The following TENM4 variants were observed in gnomAD, a reference collection of about 807,000 sequenced individuals.
The protein encoded by TENM4 is teneurin-4.
Under a neutral mutation model 243.3 loss-of-function variants are expected in TENM4, and 82 were observed. The observed-to-expected ratio is 0.34, with a 90% CI of 0.28 to 0.40. TENM4 has a LOEUF of 0.40. Among genes scored for constraint, TENM4 ranks in the 10% least tolerant of loss-of-function variants. TENM4 has a pLI of 1.00. For synonymous variants in TENM4, 1,412 were observed against 1,456.3 expected (o/e 0.97, Z 0.69); for missense variants, 3,138 against 3,673.3 (o/e 0.85, Z 3.77).
intron 6 of TENM4, among the ~76,000 whole-genome samples, chr11:78,943,546 C>T (rs886489010): frequency 6.6e-6 from 1 of 152,194 alleles, no homozygotes; most frequent in Non-Finnish European, 1.5e-5. Flanking sequence ...TCAACAAATA[C>T]ACATACATCA....
At chr11:78,791,417 C>G (rs1215548636) in intron 15 of TENM4, among the ~76,000 whole-genome samples, 5 of 152,082 alleles carry the variant, frequency 3.3e-5, no homozygotes, top group Non-Finnish European at 5.9e-5. Flanking sequence ...TGTAAGTGGT[C>G]CTTTGTGAAA....
At chr11:79,035,149 A>C (rs1281459301) in intron 6 of TENM4, among the ~76,000 whole-genome samples, 2 of 152,108 alleles carry the variant, frequency 1.3e-5, no homozygotes, top group African/African-American at 4.8e-5. Context: ...TCACAAGATG[A>C]GGTCTGAATC....
chr11:78,841,521 C>T (rs1251554150), intron 12 of TENM4, among the ~76,000 whole-genome samples: 1 of 152,096 alleles, frequency 6.6e-6, no homozygotes, highest in Non-Finnish European at 1.5e-5. Context: ...ATCTCATCTT[C>T]CTTGCCCTCT....
In TENM4 at chr11:78,854,253, T is replaced by A. The variant is rs1461832204; in HGVS notation, c.1532A>T (p.Glu511Val). 2.6e-6 allele frequency: 4 copies of A among 1,547,336 alleles called. No individual in the cohort carries two copies. The South Asian group carries it at 3.6e-5, about 14-fold the overall frequency. Reference sequence around the variant, plus strand: ...TCCCCGAGACTGGCGCGGGGTCCCCTCTAGGCTCCGCGCCTCCTGGGTTAG... The same window carrying A: ...TCCCCGAGACTGGCGCGGGGTCCCCACTAGGCTCCGCGCCTCCTGGGTTAG... ...RLLTQEARSL[E>V]GTPRQSRGTV... The change falls in exon 12 of 34, where the codon GAG (glutamate) becomes GTG (valine). Residue 511 changes from glutamate to valine, a missense_variant. By Grantham distance (121) the Glu-to-Val change is moderately radical. Coordinates refer to ENST00000278550, the MANE Select transcript of TENM4 (RefSeq NM_001098816.3).
At chr11:78,753,833 G>A (rs1856244918) in intron 19 of TENM4, among the ~76,000 whole-genome samples, 1 of 152,078 alleles carries the variant, frequency 6.6e-6, no homozygotes, top group Non-Finnish European at 1.5e-5. Flanking sequence ...AGAGATGAAT[G>A]GTCTCTGTTT....
Position 78,702,301 on chromosome 11 carries a change from C to A in TENM4, c.4312G>T (p.Val1438Leu). The A allele has an allele frequency of 6.2e-7, 1 of 1,614,006 alleles. No homozygotes were observed. Among genetic ancestry groups the A allele is most frequent in the South Asian group, 1.1e-5 (1 of 91,076 alleles). ...VVLQISENHQ[V>L]RIVAGRPMHC... ...ATGGGCCTCCCGGCGACAATGCGCA[C>A]CTGGTGGTTTTCAGAGATTTGCAGG... Residue 1438 changes from valine (V) to leucine (L), a missense_variant, in exon 28 of 34, where the codon GTG (valine) becomes TTG (leucine). Physicochemically the swap from Val to Leu is conservative, Grantham distance 32. Transcript: ENST00000278550.
chr11:78,862,900 G>A (rs917716745), intron 10 of TENM4, 62 bp downstream of exon 10: 27 of 1,322,968 alleles, frequency 2.0e-5, no homozygotes, highest in Non-Finnish European at 2.4e-5. Flanking sequence ...ACGTTATGGA[G>A]GGCTCTTCAG....
intron 1 of TENM4, among the ~76,000 whole-genome samples, chr11:79,304,152 T>A (rs1856591148): frequency 6.6e-6 from 1 of 152,148 alleles, no homozygotes; most frequent in African/African-American, 2.4e-5. Flanking sequence ...TAGGGCTAAG[T>A]GGGTCACAAC....
intron 3 of TENM4, among the ~76,000 whole-genome samples, chr11:79,194,468 T>C (rs1863580012): frequency 1.3e-5 from 2 of 152,146 alleles, no homozygotes; most frequent in African/African-American, 4.8e-5. Flanking sequence ...ACAAAAATGC[T>C]GATAGTGATA....
intron 6 of TENM4, among the ~76,000 whole-genome samples, chr11:79,013,402 T>C (rs558682858): frequency 6.6e-6 from 1 of 152,260 alleles, no homozygotes; most frequent in Non-Finnish European, 1.5e-5. Flanking sequence ...CTTTCTATGC[T>C]GCTTATCAGA....
rs147925667 is a variant in TENM4 at position 78,769,707 on chromosome 11, CTCCCTGT to C, written c.2539+1278_2539+1284del. Among the ~76,000 whole-genome samples the C allele has an allele frequency of 1.6e-3, 237 of 152,344 alleles. 2 individuals are homozygous for C. Among genetic ancestry groups the C allele is most frequent in the Non-Finnish European group, 2.7e-3 (186 of 68,038 alleles). Reference sequence around the variant, plus strand: ...TAGCTACTGTGGCCAGCCCCATAAGCTCCCTGTTGACAATTGCTCCACTGGGCCCAGG... The same window carrying C: ...TAGCTACTGTGGCCAGCCCCATAAGCTGACAATTGCTCCACTGGGCCCAGG... On this transcript the variant is annotated intron_variant, in intron 18 of 33. Coordinates refer to ENST00000278550, the MANE Select transcript of TENM4 (RefSeq NM_001098816.3).
chr11:79,417,830 T>G (rs971526318), intron 1 of TENM4, among the ~76,000 whole-genome samples: 3 of 152,120 alleles, frequency 2.0e-5, no homozygotes, highest in Non-Finnish European at 2.9e-5. Flanking sequence ...TCATGCTCTC[T>G]CCTCTGGAAG....
At chr11:79,286,788 A>C (rs1278948628) in intron 2 of TENM4, among the ~76,000 whole-genome samples, 1 of 152,192 alleles carries the variant, frequency 6.6e-6, no homozygotes, top group Non-Finnish European at 1.5e-5. Flanking sequence ...TTTCATCTTC[A>C]TTTATTTCCT....
In TENM4 at chr11:79,271,163, A is replaced by G. The variant is rs369705875; in HGVS notation, c.-265+26325T>C. On this transcript the variant is annotated intron_variant, in intron 2 of 33. Transcript: ENST00000278550. ...TTGTATGCCTTTCTGACCCCAGTGA[A>G]GATCTCAAGATCTAGGGTAAAAGCA... 1.9e-3 allele frequency among the ~76,000 whole-genome samples: 290 copies of G among 152,272 alleles called. 3 individuals carry two copies. The highest frequency in any genetic ancestry group is 6.5e-3 in the African/African-American group (270 of 41,562).
intron 6 of TENM4, among the ~76,000 whole-genome samples, chr11:78,964,201 C>T (rs967701012): frequency 4.6e-5 from 7 of 151,574 alleles, no homozygotes; most frequent in African/African-American, 1.7e-4. Context: ...CACTACCACA[C>T]CCAGCTAATT....
chr11:79,222,248 T>G (rs1336484769), intron 2 of TENM4, among the ~76,000 whole-genome samples: 4 of 152,236 alleles, frequency 2.6e-5, no homozygotes, highest in African/African-American at 4.8e-5. Flanking sequence ...AGTGAGAGCA[T>G]GCAGCGTTTG....
intron 6 of TENM4, among the ~76,000 whole-genome samples, chr11:79,003,295 T>C (rs946127411): frequency 6.6e-6 from 1 of 151,674 alleles, no homozygotes; most frequent in Admixed American, 6.6e-5. Flanking sequence ...TCAGAAAATG[T>C]AGACAACCCT....
chr11:79,182,226 T>C (rs1053883781), intron 3 of TENM4, among the ~76,000 whole-genome samples: 16 of 152,148 alleles, frequency 1.1e-4, no homozygotes, highest in East Asian at 3.8e-4. Flanking sequence ...CAGCATGGTA[T>C]TGGAAAAAGC....
At chr11:78,788,853 T>C (rs1293246227) in intron 15 of TENM4, among the ~76,000 whole-genome samples, 2 of 152,102 alleles carry the variant, frequency 1.3e-5, no homozygotes, top group African/African-American at 4.8e-5. Flanking sequence ...GTATTTAAGA[T>C]CCCTTCAGGC....
Sources: gnomAD v4.1 joint callset for allele counts (sites outside exome capture counted in the v4.1 genomes callset) on GRCh38, gnomAD v4.1.1 for gene constraint, MANE v1.5 for transcripts, NCBI Gene and HGNC (gene_info 2026-07-23, HGNC 2026-07-21) for gene names.